FOXO4: variants seen among roughly 807,000 people sequenced by gnomAD.
FOXO4 encodes the protein forkhead box O4.
A neutral mutation model predicts 20.8 loss-of-function variants in FOXO4; 3 were observed. The observed-to-expected ratio is 0.14, with a 90% CI of 0.07 to 0.37. The LOEUF (loss-of-function observed/expected upper bound fraction) is 0.37, where lower values mean the gene tolerates loss of function less well. FOXO4 is among the 10% of genes least tolerant of loss of function. The probability of loss-of-function intolerance (pLI) is 1.00; values close to 1 mark genes in which losing one functional copy is unlikely to be tolerated. For synonymous variants in FOXO4, 158 were observed against 180.0 expected, an observed-to-expected ratio of 0.88 and a Z score of 0.98; for missense variants, 309 against 431.9, an observed-to-expected ratio of 0.72 and a Z score of 2.52.
Position 71,102,532 on chromosome X carries a change from A to G in FOXO4, c.*448A>G. ...TTTCTATGCAGTGGCCCCTTAGGCC[A>G]GTGATGTGCGGTGGGTGGGCTGTTT... On this transcript the variant is annotated 3_prime_UTR_variant, in exon 3 of 3. Coordinates refer to ENST00000374259, the MANE Select transcript of FOXO4 (RefSeq NM_005938.4). The G allele has an allele frequency of 4.9e-6, 1 of 202,642 alleles. No homozygotes were observed. Among genetic ancestry groups the G allele is most frequent in the East Asian group, 7.5e-5 (1 of 13,328 alleles). 16.7% of individuals were successfully genotyped at this position (202,642 alleles called of 1,213,427 possible).
chrX:71,100,648 C>T (rs1354100083), intron 1 of FOXO4, 36 bp from the exon 2 acceptor site: 2 of 1,096,822 alleles, frequency 1.8e-6, no homozygotes, highest in African/African-American at 3.7e-5. Context: ...CCCTACAGTA[C>T]CTCACGCCCC....
chrX:71,096,942 C>T lies in FOXO4; in HGVS notation c.414C>T (p.Phe138=). The change falls in exon 1 of 3, where the codon TTC becomes TTT. Residue 138 remains phenylalanine, a synonymous_variant. Transcript: ENST00000374259. ...GGATGGTCCGTACTGTACCCTACTT[C>T]AAGGACAAGGGTGACAGCAACAGCT... is the stretch of plus-strand genomic sequence containing the variant. The part of the protein sequence containing the change: ...YEWMVRTVPY[F]KDKGDSNSSA... 8.3e-7 allele frequency: 1 copy of T among 1,209,010 alleles called. No individual in the cohort carries two copies. Among genetic ancestry groups the T allele is most frequent in the East Asian group, 3.0e-5 (1 of 33,817 alleles).
chrX:71,095,900 G>T lies in FOXO4; in HGVS notation c.-629G>T, dbSNP rs950529404. Among the ~76,000 whole-genome samples the T allele has an allele frequency of 9.6e-5, 8 of 83,009 alleles. No homozygotes were observed. The highest frequency in any genetic ancestry group is 4.4e-4 in the Admixed American group (3 of 6,771). The allele number at this position is 83,009 out of a possible 115,157, so 72.1% of individuals were successfully genotyped here. On this transcript the variant is annotated 5_prime_UTR_variant, in exon 1 of 3. Transcript: ENST00000374259. ...TAAACAGAGACGTCAGGAGGGGGCT[G>T]CTGCTTGGAGCAAAACAAAAGGGAA...
Position 71,101,652 on chromosome X carries a change from G to T in FOXO4, c.1422G>T (p.Met474Ile), listed in dbSNP as rs770999336. The T allele has an allele frequency of 1.2e-5, 14 of 1,210,557 alleles. No individual in the cohort carries two copies. Among genetic ancestry groups the T allele is most frequent in the Non-Finnish European group, 1.5e-5 (13 of 894,260 alleles). ...DRMPQDLDLD[M>I]YMENLECDMD... Reference sequence around the variant, plus strand: ...TGCCTCAGGATCTAGATCTTGATATGTATATGGAGAACCTGGAGTGTGACA... The same window carrying T: ...TGCCTCAGGATCTAGATCTTGATATTTATATGGAGAACCTGGAGTGTGACA... Residue 474 changes from methionine to isoleucine, a missense_variant, in exon 2 of 3, where the codon ATG becomes ATT. By Grantham distance (10) the Met-to-Ile change is conservative. Coordinates refer to ENST00000374259, the MANE Select transcript of FOXO4 (RefSeq NM_005938.4).
In FOXO4 at chrX:71,101,751, C is replaced by T. The variant is rs752117049; in HGVS notation, c.1510+11C>T. On this transcript the variant is annotated intron_variant, in intron 2 of 2. Transcript: ENST00000374259. ...TCAACTTTGAGCCAGGTACAGTACCCCCTAATCACCACAGCACCTCATAGC... is the reference window on the plus strand; with the variant it reads ...TCAACTTTGAGCCAGGTACAGTACCTCCTAATCACCACAGCACCTCATAGC... 56 of 1,159,904 alleles carry T rather than the reference C, an allele frequency of 4.8e-5. No homozygotes were observed. Among genetic ancestry groups the T allele is most frequent in the Non-Finnish European group, 6.5e-5 (55 of 849,779 alleles).
Position 71,100,801 on chromosome X carries a change from C to T in FOXO4, c.571C>T (p.Pro191Ser). The T allele has an allele frequency of 8.3e-7, 1 of 1,210,763 alleles. No homozygotes were observed. Among genetic ancestry groups the T allele is most frequent in the Non-Finnish European group, 1.1e-6 (1 of 894,931 alleles). The change falls in exon 2 of 3, where the codon CCC becomes TCC. Residue 191 changes from proline (P) to serine (S), a missense_variant. This residue lies in a region of FOXO4 where 223 missense variants were observed against 302.7 expected (regional missense o/e 0.74). Transcript: ENST00000374259. ...NPEGGKSGKA[P>S]RRRAASMDSS... Reference sequence around the variant, plus strand: ...TGAGGGAGGCAAGAGCGGCAAAGCCCCCCGCCGCCGGGCCGCCTCCATGGA... The same window carrying T: ...TGAGGGAGGCAAGAGCGGCAAAGCCTCCCGCCGCCGGGCCGCCTCCATGGA...
chrX:71,102,392 T>C lies in FOXO4; in HGVS notation c.*308T>C, dbSNP rs2092234013. On this transcript the variant is annotated 3_prime_UTR_variant, in exon 3 of 3. Coordinates refer to ENST00000374259, the MANE Select transcript of FOXO4 (RefSeq NM_005938.4). Reference sequence around the variant, plus strand: ...TACCCACTTAGGCTTTGTAGCAAGATGAGCAATGCTGTTGGAAATGTGAAG... The same window carrying C: ...TACCCACTTAGGCTTTGTAGCAAGACGAGCAATGCTGTTGGAAATGTGAAG... 2.8e-6 allele frequency: 1 copy of C among 353,847 alleles called. No homozygotes were observed. The highest frequency in any genetic ancestry group is 5.7e-5 in the South Asian group (1 of 17,625). 29.2% of individuals were successfully genotyped at this position (353,847 alleles called of 1,213,427 possible).
Position 71,102,288 on chromosome X carries a change from A to G in FOXO4, c.*204A>G. The G allele has an allele frequency of 6.7e-6, 3 of 446,879 alleles. No homozygotes were observed. Among genetic ancestry groups the G allele is most frequent in the Non-Finnish European group, 1.2e-5 (3 of 257,165 alleles). The allele number at this position is 446,879 out of a possible 1,213,427, so 36.8% of individuals were successfully genotyped here. A position where few individuals can be genotyped will look rare whatever the true frequency, so the allele number is the denominator to read the frequency against. ...TATGGGGAGGGAGATGGGAGGGGAA[A>G]GGGGAGAGGGTTTTTCTCACTGTGC... On this transcript the variant is annotated 3_prime_UTR_variant, in exon 3 of 3. Transcript: ENST00000374259.
At position 71,103,049 on chromosome X, in the gene FOXO4, G is replaced by A; in HGVS notation, c.*965G>A. ...ATTGAAGGCCTGGAATTAGCTTGGG[G>A]CCAGGGAAGGGACTGGGAGGGGAGA... is the stretch of plus-strand genomic sequence containing the variant. On this transcript the variant is annotated 3_prime_UTR_variant, in exon 3 of 3. Transcript: ENST00000374259. The A allele has an allele frequency of 5.7e-6, 1 of 175,915 alleles. No individual in the cohort carries two copies. The highest frequency in any genetic ancestry group is 1.1e-5 in the Non-Finnish European group (1 of 90,909). 14.5% of individuals were successfully genotyped at this position (175,915 alleles called of 1,213,427 possible). A position where few individuals can be genotyped will look rare whatever the true frequency, so the allele number is the denominator to read the frequency against.
Position 71,097,298 on chromosome X carries a change from G to C in FOXO4, c.453+317G>C, listed in dbSNP as rs375184462. Among the ~76,000 whole-genome samples the C allele has an allele frequency of 1.3e-4, 14 of 110,954 alleles. No individual in the cohort carries two copies. In the South Asian group the frequency reaches 5.3e-3, roughly 42 times the overall value. The stretch of plus-strand genomic sequence containing the variant: ...TGCCCCAAACACTTATTCCCACAGA[G>C]AAGTCTTTATCCTATGTACAGCAGG... On this transcript the variant is annotated intron_variant, in intron 1 of 2. Transcript: ENST00000374259.
chrX:71,099,609 C>T (rs2092225679), intron 1 of FOXO4, among the ~76,000 whole-genome samples: 1 of 111,855 alleles, frequency 8.9e-6, no homozygotes, highest in South Asian at 3.7e-4. Flanking sequence ...AACCATAAGC[C>T]ACACAATATA....
At chrX:71,097,638 G>C (rs1354589590) in intron 1 of FOXO4, among the ~76,000 whole-genome samples, 2 of 112,027 alleles carry the variant, frequency 1.8e-5, no homozygotes, top group Non-Finnish European at 3.8e-5. Context: ...TCCAAGTTTT[G>C]GGGGGAAGTC....
chrX:71,103,391 G>A lies in FOXO4; in HGVS notation c.*1307G>A, dbSNP rs1019932719. On this transcript the variant is annotated 3_prime_UTR_variant, in exon 3 of 3. Transcript: ENST00000374259. ...CCCTTCCCCCAGTGCCCTTTGCATCGTCCCCTCCCCCACCCCTGCTGTGGG... is the reference window on the plus strand; with the variant it reads ...CCCTTCCCCCAGTGCCCTTTGCATCATCCCCTCCCCCACCCCTGCTGTGGG... 11 of 160,266 alleles carry A rather than the reference G, an allele frequency of 6.9e-5. No individual in the cohort carries two copies. Among genetic ancestry groups the A allele is most frequent in the Non-Finnish European group, 9.6e-5 (8 of 83,306 alleles). 13.2% of individuals were successfully genotyped at this position (160,266 alleles called of 1,213,427 possible). A position where few individuals can be genotyped will look rare whatever the true frequency, so the allele number is the denominator to read the frequency against.
rs1172339046 is a variant in FOXO4, at chrX:71,096,407, C to G, written c.-122C>G. 1.6e-6 allele frequency: 1 copy of G among 637,460 alleles called. No homozygotes were observed. Among genetic ancestry groups the G allele is most frequent in the Non-Finnish European group, 2.4e-6 (1 of 410,993 alleles). The allele number at this position is 637,460 out of a possible 1,213,427, so 52.5% of individuals were successfully genotyped here. Reference sequence around the variant, plus strand: ...CCTGGGACTAGGGGGAAGTTCGCGACTTTCTGAAGACTGGCAGGAATGTGC... The same window carrying G: ...CCTGGGACTAGGGGGAAGTTCGCGAGTTTCTGAAGACTGGCAGGAATGTGC... On this transcript the variant is annotated 5_prime_UTR_variant, in exon 1 of 3. Transcript: ENST00000374259.
In FOXO4 at chrX:71,102,257, G is replaced by A; in HGVS notation, c.*173G>A. On this transcript the variant is annotated 3_prime_UTR_variant, in exon 3 of 3. Coordinates refer to ENST00000374259, the MANE Select transcript of FOXO4 (RefSeq NM_005938.4). ...ATAAAGATAAAGCTGCCCCATCTGG[G>A]GACGATATGGGGAGGGAGATGGGAG... is the stretch of plus-strand genomic sequence containing the variant. 1 of 478,098 alleles carries A rather than the reference G, an allele frequency of 2.1e-6. No homozygotes were observed. The highest frequency in any genetic ancestry group is 3.7e-5 in the East Asian group (1 of 27,202). 39.4% of individuals were successfully genotyped at this position (478,098 alleles called of 1,213,427 possible).
In FOXO4 at chrX:71,103,283, TG is replaced by T. The variant is rs977510070; in HGVS notation, c.*1207del. On this transcript the variant is annotated 3_prime_UTR_variant, in exon 3 of 3. Transcript: ENST00000374259. The stretch of plus-strand genomic sequence containing the variant: ...TGAGGGTCTGGGAAATGAGCAGGGA[TG>T]GGGGGGGATGTGGATCAGGTTTACT... 1.3e-4 allele frequency: 22 copies of T among 163,927 alleles called. No individual in the cohort carries two copies. The highest frequency in any genetic ancestry group is 1.1e-3 in the Middle Eastern group (1 of 931). 13.5% of individuals were successfully genotyped at this position (163,927 alleles called of 1,213,427 possible).
Position 71,101,758 on chromosome X carries a change from C to G in FOXO4, c.1510+18C>G. On this transcript the variant is annotated intron_variant, in intron 2 of 2. Coordinates refer to ENST00000374259, the MANE Select transcript of FOXO4 (RefSeq NM_005938.4). ...TGAGCCAGGTACAGTACCCCCTAAT[C>G]ACCACAGCACCTCATAGCCTATTAC... 8.9e-7 allele frequency: 1 copy of G among 1,126,263 alleles called. No individual in the cohort carries two copies. Among genetic ancestry groups the G allele is most frequent in the Non-Finnish European group, 1.2e-6 (1 of 817,434 alleles). 92.8% of individuals were successfully genotyped at this position (1,126,263 alleles called of 1,213,427 possible).
Position 71,101,604 on chromosome X carries a change from T to G in FOXO4, c.1374T>G (p.Thr458=), listed in dbSNP as rs777709376. 8.3e-7 allele frequency: 1 copy of G among 1,211,806 alleles called. No individual in the cohort carries two copies. Among genetic ancestry groups the G allele is most frequent in the African/African-American group, 1.7e-5 (1 of 57,846 alleles). ...ALGTPVLTPP[T]EAASQDRMPQ... is the part of the protein sequence containing the mutation. ...GGACTCCTGTGCTCACACCCCCTAC[T>G]GAAGCTGCAAGCCAAGACAGAATGC... The change falls in exon 2 of 3, where the codon ACT becomes ACG. Residue 458 remains threonine, a synonymous_variant. Transcript: ENST00000374259.
At chrX:71,097,624 G>T (rs1021126543) in intron 1 of FOXO4, among the ~76,000 whole-genome samples, 1 of 112,088 alleles carries the variant, frequency 8.9e-6, no homozygotes, top group Non-Finnish European at 1.9e-5. Flanking sequence ...CTTGTAAGGG[G>T]CTATCCAAGT....
Sources: gnomAD v4.1 joint callset for allele counts (sites outside exome capture counted in the v4.1 genomes callset) on GRCh38, gnomAD v4.1.1 for gene constraint, gnomAD v4.1.1 regional missense constraint, MANE v1.5 for transcripts, NCBI Gene and HGNC (gene_info 2026-07-23, HGNC 2026-07-21) for gene names.